ACTR3C: variants seen among roughly 807,000 people sequenced by gnomAD.
The protein encoded by ACTR3C is actin related protein 3C, also known as actin-related protein 3C.
A neutral mutation model predicts 26.3 loss-of-function variants in ACTR3C; 18 were observed. The observed-to-expected ratio is 0.68, with a 90% CI of 0.47 to 1.01. The LOEUF is 1.01. Among genes scored for constraint, ACTR3C ranks in the 50% least tolerant of loss-of-function variants. The pLI, the probability that ACTR3C is intolerant of heterozygous loss-of-function variation, is 0.00. For synonymous variants in ACTR3C, 55 were observed against 94.5 expected, an observed-to-expected ratio of 0.58 and a Z score of 2.42; for missense variants, 184 against 250.7, an observed-to-expected ratio of 0.73 and a Z score of 1.80.
the ACTR3C span, among the ~76,000 whole-genome samples, chr7:149,897,061 C>CAAAAAAA: frequency 9.8e-5 from 5 of 51,098 alleles, no homozygotes; most frequent in Non-Finnish European, 1.9e-4. Context: ...ACACCGTCTC[C>CAAAAAAA]AAAAAAAAAA....
the ACTR3C span, among the ~76,000 whole-genome samples, chr7:149,948,337 C>T: frequency 2.7e-5 from 4 of 146,796 alleles, no homozygotes; most frequent in South Asian, 2.2e-4. Flanking sequence ...ACAGGGCAAG[C>T]TCTGGGGGTC....
At chr7:150,051,361 T>G in the ACTR3C span, among the ~76,000 whole-genome samples, 2 of 140,980 alleles carry the variant, frequency 1.4e-5, no homozygotes, top group Non-Finnish European at 3.1e-5. Context: ...CTAATCACCT[T>G]TCACCTCCCC....
the ACTR3C span, among the ~76,000 whole-genome samples, chr7:149,947,728 A>G: frequency 7.0e-6 from 1 of 142,212 alleles, no homozygotes; most frequent in African/African-American, 3.0e-5. Flanking sequence ...CTGTAAAGGC[A>G]CTGCAATTGT....
intron 1 of ACTR3C, among the ~76,000 whole-genome samples, chr7:150,301,884 C>T (rs532455598): frequency 6.6e-6 from 1 of 152,000 alleles, no homozygotes; most frequent in East Asian, 1.9e-4. Context: ...AAAGAGAATT[C>T]GTGTTCAATG....
the ACTR3C span, among the ~76,000 whole-genome samples, chr7:150,068,402 G>C: frequency 6.6e-6 from 1 of 152,090 alleles, no homozygotes; most frequent in Non-Finnish European, 1.5e-5. Context: ...CACCTGCAAC[G>C]TCCTTGTCCC....
At chr7:150,219,691 A>G in the ACTR3C span, among the ~76,000 whole-genome samples, 1 of 138,962 alleles carries the variant, frequency 7.2e-6, no homozygotes, top group Non-Finnish European at 1.5e-5. Flanking sequence ...GCCGCCGCCC[A>G]CTCCCCTTTC....
At chr7:150,255,242 A>ATTTTTTT (rs745713614) in intron 6 of ACTR3C, among the ~76,000 whole-genome samples, 252 of 85,356 alleles carry the variant, frequency 3.0e-3, no homozygotes, top group Non-Finnish European at 4.1e-3. Context: ...TTTGTAGGGG[A>ATTTTTTT]TTTTTTTTTT....
the ACTR3C span, among the ~76,000 whole-genome samples, chr7:150,198,972 AGG>A: frequency 8.8e-6 from 1 of 114,138 alleles, no homozygotes; most frequent in East Asian, 2.8e-4. Context: ...CCCGTCCGGG[AGG>A]GAGGTGGGGG....
the ACTR3C span, among the ~76,000 whole-genome samples, chr7:149,914,203 T>G: frequency 0.86 from 128,632 of 149,856 alleles, 58,466 homozygotes; most frequent in East Asian, 1. Context: ...AATGCAGCAA[T>G]TTTGTCTTAT....
the ACTR3C span, among the ~76,000 whole-genome samples, chr7:150,049,215 C>T: frequency 2.0e-5 from 3 of 152,060 alleles, no homozygotes; most frequent in South Asian, 2.1e-4. Flanking sequence ...CTTCCCCTCC[C>T]GGCCCTCCCG....
chr7:149,919,681 A>G, the ACTR3C span, among the ~76,000 whole-genome samples: 1 of 152,118 alleles, frequency 6.6e-6, no homozygotes, highest in South Asian at 2.1e-4. Context: ...CAGGTGCAAC[A>G]GTCTTACTCG....
chr7:150,242,293 G>A (rs1464287322), downstream of ACTR3C, among the ~76,000 whole-genome samples: 3 of 150,810 alleles, frequency 2.0e-5, no homozygotes, highest in Non-Finnish European at 2.9e-5. Context: ...AAAACAGAGG[G>A]CAACAGAGGA....
the ACTR3C span, among the ~76,000 whole-genome samples, chr7:149,994,614 A>G: frequency 6.6e-6 from 1 of 152,010 alleles, no homozygotes. Flanking sequence ...AAGAAAAAAA[A>G]ATGGAAGCTA....
chr7:150,306,603 T>A (rs1372545086), intron 1 of ACTR3C, among the ~76,000 whole-genome samples: 1 of 152,112 alleles, frequency 6.6e-6, no homozygotes, highest in South Asian at 2.1e-4. Context: ...TCCCAACACT[T>A]TGGGAGGCTA....
At chr7:150,003,534 G>C in the ACTR3C span, among the ~76,000 whole-genome samples, 8 of 151,720 alleles carry the variant, frequency 5.3e-5, no homozygotes, top group Non-Finnish European at 2.9e-5. Flanking sequence ...TGTGGTATGT[G>C]GTATGTGCTG....
chr7:149,911,989 G>A, the ACTR3C span, among the ~76,000 whole-genome samples: 1 of 141,184 alleles, frequency 7.1e-6, no homozygotes, highest in East Asian at 2.1e-4. Flanking sequence ...TAGCCCGGGT[G>A]ACAGAGCGAG....
At chr7:149,978,667 C>G in the ACTR3C span, among the ~76,000 whole-genome samples, 1 of 151,870 alleles carries the variant, frequency 6.6e-6, no homozygotes, top group Non-Finnish European at 1.5e-5. Flanking sequence ...TGAATGTGCC[C>G]TGCCTCTAGG....
At chr7:149,915,065 A>G in the ACTR3C span, among the ~76,000 whole-genome samples, 1 of 151,992 alleles carries the variant, frequency 6.6e-6, no homozygotes, top group African/African-American at 2.4e-5. Flanking sequence ...TTTTTAGTAA[A>G]AACGGGGTTT....
the ACTR3C span, among the ~76,000 whole-genome samples, chr7:150,029,405 A>AC: frequency 0.022 from 2,088 of 95,910 alleles, 71 homozygotes; most frequent in African/African-American, 0.053. Flanking sequence ...ATCAAAAACA[A>AC]AAAAAAAAAA....
Sources: allele counts gnomAD v4.1 joint callset (sites outside exome capture counted in the v4.1 genomes callset), GRCh38; gene constraint gnomAD v4.1.1; transcripts MANE v1.5; gene names NCBI Gene and HGNC (gene_info 2026-07-23, HGNC 2026-07-21).